The following MDGA2 variants were observed in gnomAD, a reference collection of about 807,000 sequenced individuals.
The protein encoded by MDGA2 is MAM domain-containing glycosylphosphatidylinositol anchor protein 2.
A neutral mutation model predicts 117.8 loss-of-function variants in MDGA2; 40 were observed. That is an observed-to-expected ratio of 0.34 (90% CI 0.26 to 0.44). The LOEUF (loss-of-function observed/expected upper bound fraction) is 0.44, where lower values mean the gene tolerates loss of function less well. MDGA2 is among the 20% of genes least tolerant of loss of function. The probability of loss-of-function intolerance (pLI) is 1.00; values close to 1 mark genes in which losing one functional copy is unlikely to be tolerated. For missense variants in MDGA2, 1,123 were observed against 1,250.6 expected (o/e 0.90, Z 1.54); for synonymous variants, 452 against 439.0 (o/e 1.03, Z -0.37).
chr14:47,160,730 T>A (rs563416240), intron 3 of MDGA2, among the ~76,000 whole-genome samples: 1 of 152,204 alleles, frequency 6.6e-6, no homozygotes, highest in Non-Finnish European at 1.5e-5. Context: ...GGATTGTTCA[T>A]TGAGAATCAA....
intron 1 of MDGA2, among the ~76,000 whole-genome samples, chr14:47,612,553 T>C (rs1340834075): frequency 6.6e-6 from 1 of 152,180 alleles, no homozygotes; most frequent in Non-Finnish European, 1.5e-5. Flanking sequence ...TTTATTAGTA[T>C]TCCAAGGTGA....
chr14:47,410,142 C>T (rs1892342324), intron 1 of MDGA2, among the ~76,000 whole-genome samples: 1 of 150,562 alleles, frequency 6.6e-6, no homozygotes, highest in Non-Finnish European at 1.5e-5. Context: ...TGCATTCTAA[C>T]CACTGGTTAG....
chr14:46,866,329 G>A (rs1881758374), intron 14 of MDGA2, among the ~76,000 whole-genome samples: 1 of 152,104 alleles, frequency 6.6e-6, no homozygotes, highest in Non-Finnish European at 1.5e-5. Flanking sequence ...TGGGAAAACT[G>A]GCTAGCCATA....
At chr14:47,413,663 G>GT (rs1229212588) in intron 1 of MDGA2, among the ~76,000 whole-genome samples, 1 of 116,164 alleles carries the variant, frequency 8.6e-6, no homozygotes, top group Non-Finnish European at 1.8e-5. Context: ...ATAAGTAATA[G>GT]TTTTTGGTTT....
At chr14:47,074,022 A>G (rs1235465222) in intron 6 of MDGA2, among the ~76,000 whole-genome samples, 1 of 151,952 alleles carries the variant, frequency 6.6e-6, no homozygotes, top group Non-Finnish European at 1.5e-5. Context: ...TTCTCTTAAA[A>G]TTTTTCCTCA....
intron 1 of MDGA2, among the ~76,000 whole-genome samples, chr14:47,649,626 AG>A (rs1410220732): frequency 6.6e-6 from 1 of 152,122 alleles, no homozygotes; most frequent in Non-Finnish European, 1.5e-5. Flanking sequence ...CAGAGGTTAT[AG>A]TAAACCGACA....
intron 1 of MDGA2, among the ~76,000 whole-genome samples, chr14:47,441,511 T>C (rs1893010818): frequency 6.6e-6 from 1 of 152,144 alleles, no homozygotes; most frequent in Non-Finnish European, 1.5e-5. Context: ...GTAGGAAAAT[T>C]AAGAGATAAT....
At chr14:47,050,121 T>C (rs1231203823) in intron 7 of MDGA2, among the ~76,000 whole-genome samples, 2 of 151,992 alleles carry the variant, frequency 1.3e-5, no homozygotes, top group Non-Finnish European at 2.9e-5. Context: ...TTGAGCCCAT[T>C]CCACTGAAAG....
chr14:46,910,255 C>T (rs1181971151), intron 10 of MDGA2, among the ~76,000 whole-genome samples: 1 of 152,048 alleles, frequency 6.6e-6, no homozygotes, highest in Non-Finnish European at 1.5e-5. Flanking sequence ...ATCAAATCCT[C>T]CAGATTTTGC....
intron 9 of MDGA2, among the ~76,000 whole-genome samples, chr14:46,954,259 C>A (rs190318572): frequency 1.3e-5 from 2 of 152,018 alleles, no homozygotes; most frequent in Admixed American, 1.3e-4. Flanking sequence ...CAGGGTCTAG[C>A]TTGCTTAGTG....
chr14:47,165,628 A>T (rs762970772), intron 3 of MDGA2, among the ~76,000 whole-genome samples: 9 of 152,190 alleles, frequency 5.9e-5, no homozygotes, highest in Non-Finnish European at 1.2e-4. Context: ...TTCCATTTCT[A>T]GGTTCCACTC....
chr14:47,040,034 C>T (rs1464261093), intron 7 of MDGA2, among the ~76,000 whole-genome samples: 2 of 151,966 alleles, frequency 1.3e-5, no homozygotes, highest in Non-Finnish European at 2.9e-5. Context: ...CAAATATATA[C>T]AATAAAATTT....
chr14:47,132,652 G>A (rs751217912), intron 4 of MDGA2, among the ~76,000 whole-genome samples: 11 of 151,846 alleles, frequency 7.2e-5, no homozygotes, highest in African/African-American at 1.9e-4. Context: ...ATTCAAATTA[G>A]GTCCCCTGGG....
intron 9 of MDGA2, among the ~76,000 whole-genome samples, chr14:46,921,574 G>C (rs1350710868): frequency 6.7e-6 from 1 of 149,976 alleles, no homozygotes; most frequent in African/African-American, 2.5e-5. Context: ...AGCCAAGATT[G>C]TGCCACTGCA....
chr14:47,137,476 G>A (rs1211652462), intron 4 of MDGA2, among the ~76,000 whole-genome samples: 1 of 152,042 alleles, frequency 6.6e-6, no homozygotes, highest in Non-Finnish European at 1.5e-5. Flanking sequence ...ATTTCCTTGA[G>A]AGCTGGTTGT....
rs199516351 is a variant in MDGA2 at position 47,077,773 on chromosome 14, C to T, written c.1196-16195G>A. 3.0e-4 allele frequency among the ~76,000 whole-genome samples: 45 copies of T among 151,642 alleles called. 1 individual carries two copies. The East Asian group carries it at 8.5e-3, about 29-fold the overall frequency. On this transcript the variant is annotated intron_variant, in intron 6 of 16. Transcript: ENST00000399232. ...GGTAAGTCATATATTACACAGTAAACATTACGGCAACCAAAATGATAAGGA... is the reference window on the plus strand; with the variant it reads ...GGTAAGTCATATATTACACAGTAAATATTACGGCAACCAAAATGATAAGGA...
chr14:47,240,630 G>C (rs1887009165), intron 2 of MDGA2, among the ~76,000 whole-genome samples: 1 of 151,814 alleles, frequency 6.6e-6, no homozygotes, highest in African/African-American at 2.4e-5. Flanking sequence ...TTGAAAAGAA[G>C]TCTCAGAAAT....
At chr14:46,863,334 T>C (rs548838149) in intron 14 of MDGA2, among the ~76,000 whole-genome samples, 1 of 152,302 alleles carries the variant, frequency 6.6e-6, no homozygotes, top group East Asian at 1.9e-4. Context: ...TTCAGAAATT[T>C]ATTACCTCAA....
At chr14:46,998,819 T>C (rs149033086) in intron 8 of MDGA2, among the ~76,000 whole-genome samples, 2 of 152,242 alleles carry the variant, frequency 1.3e-5, no homozygotes, top group African/African-American at 4.8e-5. Flanking sequence ...TTTTATCTTA[T>C]TCAAGGTACT....
Sources: gnomAD v4.1 joint callset for allele counts (sites outside exome capture counted in the v4.1 genomes callset) on GRCh38, gnomAD v4.1.1 for gene constraint, MANE v1.5 for transcripts, NCBI Gene and HGNC (gene_info 2026-07-23, HGNC 2026-07-21) for gene names.